The following EGFLAM variants were observed in gnomAD, a reference collection of about 807,000 sequenced individuals.
The protein encoded by EGFLAM is EGF like, fibronectin type III and laminin G domains.
Under a neutral mutation model 113.1 loss-of-function variants are expected in EGFLAM, and 79 were observed. That is an observed-to-expected ratio of 0.70 (90% CI 0.58 to 0.84). EGFLAM has a LOEUF of 0.84. EGFLAM is among the 40% of genes least tolerant of loss of function. The pLI is 0.00. For synonymous variants in EGFLAM, 504 were observed against 487.6 expected (o/e 1.03, Z -0.44); for missense variants, 1,265 against 1,291.6 (o/e 0.98, Z 0.32).
chr5:38,264,325 G>A (rs536274707), intron 1 of EGFLAM, among the ~76,000 whole-genome samples: 2 of 152,180 alleles, frequency 1.3e-5, no homozygotes, highest in South Asian at 2.1e-4. Context: ...TCCTTAGCAC[G>A]ATGCAGCTCT....
rs538124400 is a variant in EGFLAM, at chr5:38,424,428, C to T, written c.1685-539C>T. ...TTATGGGGCCCTCCCTCCCTGCTCC[C>T]TACCCCAGACAGAGAAGTTGACAAT... is the stretch of plus-strand genomic sequence containing the variant. On this transcript the variant is annotated intron_variant, in intron 12 of 21. Transcript: ENST00000322350. Among the ~76,000 whole-genome samples the T allele has an allele frequency of 1.2e-4, 19 of 152,324 alleles. No homozygotes were observed. In the South Asian group the frequency reaches 3.9e-3, roughly 32 times the overall value.
intron 15 of EGFLAM, among the ~76,000 whole-genome samples, chr5:38,431,603 G>C (rs918818828): frequency 1.3e-5 from 2 of 152,138 alleles, no homozygotes; most frequent in African/African-American, 4.8e-5. Flanking sequence ...GCTACAGCAA[G>C]TAGTAGGTAA....
At chr5:38,336,302 G>A (rs763536914) in intron 1 of EGFLAM, among the ~76,000 whole-genome samples, 24 of 152,124 alleles carry the variant, frequency 1.6e-4, no homozygotes, top group South Asian at 6.2e-4. Flanking sequence ...GGCTGGGTGC[G>A]GTGGCTCACG....
chr5:38,440,185 C>G (rs1360750405), intron 17 of EGFLAM, among the ~76,000 whole-genome samples: 1 of 152,148 alleles, frequency 6.6e-6, no homozygotes, highest in Non-Finnish European at 1.5e-5. Context: ...ATTGGGGACT[C>G]TTTTCCTGCA....
chr5:38,422,419 C>A (rs1220440931), intron 12 of EGFLAM, among the ~76,000 whole-genome samples: 1 of 152,200 alleles, frequency 6.6e-6, no homozygotes, highest in Non-Finnish European at 1.5e-5. Flanking sequence ...GCCAGGTTCT[C>A]TCTTCTCAGT....
chr5:38,372,911 G>T (rs984955101), intron 6 of EGFLAM, among the ~76,000 whole-genome samples: 6 of 151,766 alleles, frequency 4.0e-5, no homozygotes, highest in South Asian at 2.1e-4. Context: ...TTTTGGTATT[G>T]GTTTAGACTA....
chr5:38,350,682 A>C, intron 4 of EGFLAM, 64 bp downstream of exon 4: 2 of 1,458,080 alleles, frequency 1.4e-6, no homozygotes, highest in Non-Finnish European at 1.9e-6. Flanking sequence ...TCATTCAGCA[A>C]ATATCAATAG....
intron 1 of EGFLAM, among the ~76,000 whole-genome samples, chr5:38,316,657 C>A (rs548803478): frequency 3.7e-4 from 57 of 152,216 alleles, no homozygotes; most frequent in African/African-American, 1.3e-3. Flanking sequence ...ATACTATGGG[C>A]TCAATTCCAT....
rs1743391569 is a variant in EGFLAM, at chr5:38,464,177, C to A, written c.*191C>A. On this transcript the variant is annotated 3_prime_UTR_variant, in exon 22 of 22. Coordinates refer to ENST00000322350, the MANE Select transcript of EGFLAM (RefSeq NM_152403.4). ...CTGGGTGGCCTTTCCTGCTGACACT[C>A]CACGAGCTGACCCAGCAGAATTCTC... 1 of 659,182 alleles carries A rather than the reference C, an allele frequency of 1.5e-6. No homozygotes were observed. The highest frequency in any genetic ancestry group is 2.5e-6 in the Non-Finnish European group (1 of 398,806). The allele number at this position is 659,182 out of a possible 1,614,324, so 40.8% of individuals were successfully genotyped here. A position where few individuals can be genotyped will look rare whatever the true frequency, so the allele number is the denominator to read the frequency against.
At chr5:38,282,658 T>A (rs1306561631) in intron 1 of EGFLAM, 1 of 152,080 alleles carries the variant, frequency 6.6e-6, no homozygotes, top group Non-Finnish European at 1.5e-5. Flanking sequence ...GCCATACCCA[T>A]AATTGCTAAC....
At chr5:38,335,423 A>G (rs1023337867) in intron 1 of EGFLAM, among the ~76,000 whole-genome samples, 1 of 152,140 alleles carries the variant, frequency 6.6e-6, no homozygotes, top group African/African-American at 2.4e-5. Flanking sequence ...CTTTTCTATG[A>G]TCCTATCCTC....
Position 38,426,992 on chromosome 5 carries a change from C to T in EGFLAM, c.1811-17C>T, listed in dbSNP as rs1742030542. Reference sequence around the variant, plus strand: ...TCTGCCACAGAGGGATTTCTAACACCATGCTTGTTTTTTCAGCTTTCACCT... The same window carrying T: ...TCTGCCACAGAGGGATTTCTAACACTATGCTTGTTTTTTCAGCTTTCACCT... On this transcript the variant is annotated splice_polypyrimidine_tract_variant and intron_variant, in intron 13 of 21. Coordinates refer to ENST00000322350, the MANE Select transcript of EGFLAM (RefSeq NM_152403.4). The T allele has an allele frequency of 3.1e-6, 5 of 1,612,714 alleles. No individual in the cohort carries two copies. Among genetic ancestry groups the T allele is most frequent in the Non-Finnish European group, 4.2e-6 (5 of 1,179,666 alleles).
intron 11 of EGFLAM, among the ~76,000 whole-genome samples, chr5:38,413,476 G>C (rs80126359): frequency 6.6e-6 from 1 of 151,766 alleles, no homozygotes; most frequent in African/African-American, 2.4e-5. Context: ...GGCCGTAATT[G>C]TAGGAAATGG....
At chr5:38,269,466 A>G (rs1221563254) in intron 1 of EGFLAM, among the ~76,000 whole-genome samples, 1 of 151,392 alleles carries the variant, frequency 6.6e-6, no homozygotes, top group Admixed American at 6.6e-5. Flanking sequence ...ACAAATTGAT[A>G]CAGTTGGTTG....
chr5:38,406,292 G>A (rs773763259), intron 7 of EGFLAM, 51 bp downstream of exon 7: 38 of 1,527,220 alleles, frequency 2.5e-5, no homozygotes, highest in African/African-American at 8.2e-5. Flanking sequence ...TTTTCTTGCC[G>A]AACAAGACAA....
chr5:38,461,977 A>G (rs1267018330), intron 20 of EGFLAM, among the ~76,000 whole-genome samples: 1 of 152,014 alleles, frequency 6.6e-6, no homozygotes, highest in Non-Finnish European at 1.5e-5. Context: ...CATCCTGGCT[A>G]ACGTGGTGAA....
At chr5:38,350,327 T>C (rs971287193) in intron 3 of EGFLAM, among the ~76,000 whole-genome samples, 174 bp from the exon 4 acceptor site, 2 of 152,204 alleles carry the variant, frequency 1.3e-5, no homozygotes, top group Non-Finnish European at 2.9e-5. Flanking sequence ...AAATATGTCA[T>C]GGCTATTTTT....
At chr5:38,443,437 G>C (rs1742611376) in intron 17 of EGFLAM, among the ~76,000 whole-genome samples, 1 of 152,172 alleles carries the variant, frequency 6.6e-6, no homozygotes, top group Admixed American at 6.5e-5. Flanking sequence ...TGGGAGATCT[G>C]GGGGTGTTTA....
chr5:38,380,572 G>C (rs1740481882), intron 6 of EGFLAM, among the ~76,000 whole-genome samples: 1 of 152,222 alleles, frequency 6.6e-6, no homozygotes, highest in African/African-American at 2.4e-5. Flanking sequence ...AAAGGGAACA[G>C]TAGGAGCGAT....
Sources: gnomAD v4.1 joint callset for allele counts (sites outside exome capture counted in the v4.1 genomes callset) on GRCh38, gnomAD v4.1.1 for gene constraint, MANE v1.5 for transcripts, NCBI Gene and HGNC (gene_info 2026-07-23, HGNC 2026-07-21) for gene names.